Variants in ZNF438 observed in about 807,000 individuals in gnomAD.
ZNF438 encodes the protein zinc finger protein 438.
Under a neutral mutation model 38.0 loss-of-function variants are expected in ZNF438, and 25 were observed. The observed-to-expected ratio is 0.66, with a 90% CI of 0.48 to 0.92. The LOEUF is 0.92. Among genes scored for constraint, ZNF438 ranks in the 40% least tolerant of loss-of-function variants. The pLI is 0.00. For synonymous variants in ZNF438, 372 were observed against 364.1 expected, an observed-to-expected ratio of 1.02 and a Z score of -0.25; for missense variants, 1,007 against 999.6, an observed-to-expected ratio of 1.01 and a Z score of -0.10.
chr10:30,998,294 A>G (rs940325409), intron 1 of ZNF438, among the ~76,000 whole-genome samples: 10 of 152,046 alleles, frequency 6.6e-5, no homozygotes, highest in African/African-American at 2.4e-4. Context: ...TAATCCTAGC[A>G]CTTTGGGAGG....
chr10:30,975,351 A>G (rs968136798), intron 1 of ZNF438, among the ~76,000 whole-genome samples: 1 of 152,236 alleles, frequency 6.6e-6, no homozygotes, highest in African/African-American at 2.4e-5. Flanking sequence ...AGATGGGGAA[A>G]ACAGTCTTAG....
At chr10:30,952,074 C>G (rs1165160426) in intron 1 of ZNF438, among the ~76,000 whole-genome samples, 1 of 150,988 alleles carries the variant, frequency 6.6e-6, no homozygotes, top group Non-Finnish European at 1.5e-5. Flanking sequence ...TGGAACTGAA[C>G]AGAGCCCTCA....
chr10:30,970,162 A>G (rs4749647), intron 1 of ZNF438, among the ~76,000 whole-genome samples: 6,367 of 151,912 alleles, frequency 0.042, 320 homozygotes, highest in Admixed American at 0.15. Context: ...ACACACACAT[A>G]TATTAGGCCT....
chr10:30,872,838 G>A (rs1390093460), intron 4 of ZNF438, among the ~76,000 whole-genome samples: 3 of 151,336 alleles, frequency 2.0e-5, no homozygotes, highest in African/African-American at 7.3e-5. Context: ...TGAACAATGA[G>A]ACTTGCATTA....
At chr10:31,011,565 G>A (rs561462771) in intron 1 of ZNF438, among the ~76,000 whole-genome samples, 10 of 152,114 alleles carry the variant, frequency 6.6e-5, no homozygotes, top group Admixed American at 3.9e-4. Flanking sequence ...GAAAGGGTGC[G>A]GTATAAGCCA....
At chr10:30,879,012 C>G (rs58048153) in intron 3 of ZNF438, among the ~76,000 whole-genome samples, 1 of 152,068 alleles carries the variant, frequency 6.6e-6, no homozygotes, top group Non-Finnish European at 1.5e-5. Context: ...TATGTGAGGA[C>G]AGATCCTTGC....
chr10:30,876,914 T>C, intron 4 of ZNF438, 84 bp downstream of exon 5: 1 of 991,028 alleles, frequency 1.0e-6, no homozygotes, highest in Middle Eastern at 2.2e-4. Flanking sequence ...TAAGTTACCT[T>C]ATGATTAGAG....
intron 1 of ZNF438, among the ~76,000 whole-genome samples, chr10:30,945,388 C>CTTTTTTTTTTTTTTTTTTTTTT (rs61149961): frequency 7.1e-6 from 1 of 141,124 alleles, no homozygotes. Flanking sequence ...GATTCTTTTA[C>CTTTTTTTTTTTTTTTTTTTTTT]TTTTTTTTTT....
rs572521643 is a variant in ZNF438, at chr10:30,982,192, C to T, written c.-191-40541G>A. 3.0e-3 allele frequency among the ~76,000 whole-genome samples: 456 copies of T among 151,650 alleles called. 4 individuals carry two copies. Among genetic ancestry groups the T allele is most frequent in the Admixed American group, 5.3e-3 (80 of 15,238 alleles). On this transcript the variant is annotated intron_variant, in intron 1 of 5. Transcript: ENST00000413025. ...TCTCGGCTCACTGCGAACTCCGCCT[C>T]CCGGGTTCACACCATTCTCCTGCCT...
intron 3 of ZNF438, among the ~76,000 whole-genome samples, chr10:30,878,302 T>G (rs1051674758): frequency 1.3e-5 from 2 of 152,034 alleles, no homozygotes; most frequent in African/African-American, 4.8e-5. Context: ...ACTCAGTCAG[T>G]AGAGGAGAGA....
At chr10:30,980,076 G>A (rs1007490161) in intron 1 of ZNF438, among the ~76,000 whole-genome samples, 2 of 152,094 alleles carry the variant, frequency 1.3e-5, no homozygotes, top group East Asian at 3.8e-4. Context: ...ATGGACTTGG[G>A]AGTATCTAAG....
intron 2 of ZNF438, among the ~76,000 whole-genome samples, chr10:30,915,562 C>T (rs1487814467): frequency 6.6e-6 from 1 of 151,626 alleles, no homozygotes; most frequent in Non-Finnish European, 1.5e-5. Flanking sequence ...TATAGGAAGC[C>T]ACAGTGTCCA....
chr10:30,975,783 G>A (rs2051270161), intron 1 of ZNF438, among the ~76,000 whole-genome samples: 2 of 152,152 alleles, frequency 1.3e-5, no homozygotes, highest in South Asian at 4.1e-4. Flanking sequence ...GATGGTTTAA[G>A]ATTCCTTTTG....
intron 1 of ZNF438, among the ~76,000 whole-genome samples, chr10:31,011,496 G>A (rs1287025161): frequency 1.3e-5 from 2 of 152,162 alleles, no homozygotes; most frequent in Non-Finnish European, 2.9e-5. Flanking sequence ...TGAAAGACAA[G>A]GTGAGGACAA....
intron 1 of ZNF438, among the ~76,000 whole-genome samples, chr10:30,970,135 CACACACACATAT>C (rs1164666569): frequency 1.3e-5 from 2 of 150,274 alleles, no homozygotes; most frequent in East Asian, 3.9e-4. Context: ...CACACACACA[CACACACACATAT>C]ACACACACAC....
intron 1 of ZNF438, among the ~76,000 whole-genome samples, chr10:31,009,248 T>C (rs2055430319): frequency 6.6e-6 from 1 of 152,220 alleles, no homozygotes; most frequent in Non-Finnish European, 1.5e-5. Flanking sequence ...AGATAGATTG[T>C]GTGTTGCTAT....
At chr10:30,857,560 T>A (rs2034873808) in intron 4 of ZNF438, 7 of 829,822 alleles carry the variant, frequency 8.4e-6, no homozygotes, top group Non-Finnish European at 1.3e-5. Context: ...TGGCCTAAAA[T>A]TTCTATTACC....
chr10:30,891,079 C>G (rs79628438), intron 3 of ZNF438, among the ~76,000 whole-genome samples: 2,877 of 152,288 alleles, frequency 0.019, 85 homozygotes, highest in African/African-American at 0.064. Context: ...TGTTTATAAA[C>G]TTCACAGTGA....
At position 31,023,820 on chromosome 10, in the gene ZNF438, T is replaced by C. The variant is rs180797159; in HGVS notation, c.-192+8013A>G. Among the ~76,000 whole-genome samples the C allele has an allele frequency of 1.2e-4, 18 of 152,348 alleles. No individual in the cohort carries two copies. In the East Asian group the frequency reaches 2.9e-3, roughly 24 times the overall value. ...CTTTGCTCCTCAAAGCCGGTCAGTCTCTAAACTCTAAGTTTAAAGCTGGCT... is the reference window on the plus strand; with the variant it reads ...CTTTGCTCCTCAAAGCCGGTCAGTCCCTAAACTCTAAGTTTAAAGCTGGCT... On this transcript the variant is annotated intron_variant, in intron 1 of 5. Transcript: ENST00000413025.
Sources: allele counts gnomAD v4.1 joint callset (sites outside exome capture counted in the v4.1 genomes callset), GRCh38; gene constraint gnomAD v4.1.1; transcripts MANE v1.5; gene names NCBI Gene and HGNC (gene_info 2026-07-23, HGNC 2026-07-21).